The following CPVL variants were observed in gnomAD, a reference collection of about 807,000 sequenced individuals.
CPVL encodes carboxypeptidase vitellogenic like, also known as probable serine carboxypeptidase CPVL.
In CPVL, 51 loss-of-function variants were observed where a neutral mutation model predicts 63.7. The ratio of observed to expected loss-of-function variants is 0.80; its 90% CI spans 0.64 to 1.01. CPVL has a LOEUF of 1.01. CPVL is among the 50% of genes least tolerant of loss of function. The probability of loss-of-function intolerance (pLI) is 0.00; values close to 1 mark genes in which losing one functional copy is unlikely to be tolerated. For synonymous variants in CPVL, 195 were observed against 206.0 expected, an observed-to-expected ratio of 0.95 and a Z score of 0.46; for missense variants, 530 against 573.1, an observed-to-expected ratio of 0.92 and a Z score of 0.77.
chr7:29,006,360 C>T (rs949869945), intron 12 of CPVL, among the ~76,000 whole-genome samples: 2 of 152,184 alleles, frequency 1.3e-5, no homozygotes, highest in African/African-American at 4.8e-5. Flanking sequence ...ACCTAAGGAA[C>T]ATCCACCTAT....
chr7:29,054,271 C>T (rs1015742565), intron 11 of CPVL, among the ~76,000 whole-genome samples: 2 of 152,108 alleles, frequency 1.3e-5, no homozygotes, highest in African/African-American at 4.8e-5. Context: ...TGGAATAATT[C>T]TGGAGTAATT....
At chr7:29,049,726 A>G (rs946395669) in intron 11 of CPVL, among the ~76,000 whole-genome samples, 6 of 152,176 alleles carry the variant, frequency 3.9e-5, no homozygotes, top group African/African-American at 1.4e-4. Context: ...AGAAAACTAC[A>G]GACTGATATA....
intron 12 of CPVL, among the ~76,000 whole-genome samples, chr7:29,026,089 A>C (rs1183867496): frequency 6.6e-6 from 1 of 152,198 alleles, no homozygotes; most frequent in Non-Finnish European, 1.5e-5. Context: ...AATCTCAACA[A>C]ATGTAAAATA....
intron 5 of CPVL, among the ~76,000 whole-genome samples, chr7:29,155,685 C>A (rs370080146): frequency 6.6e-6 from 1 of 152,210 alleles, no homozygotes; most frequent in East Asian, 1.9e-4. Context: ...GTCCTGCTTC[C>A]GTGTTTTTAA....
At chr7:29,103,258 T>G (rs376513023) in intron 3 of CPVL, among the ~76,000 whole-genome samples, 15 of 150,390 alleles carry the variant, frequency 1.0e-4, no homozygotes, top group African/African-American at 3.2e-4. Flanking sequence ...GTTTTTTTTT[T>G]TTTTTGAGAT....
At chr7:29,001,647 G>T (rs1433873719) in intron 12 of CPVL, among the ~76,000 whole-genome samples, 1 of 152,154 alleles carries the variant, frequency 6.6e-6, no homozygotes, top group Non-Finnish European at 1.5e-5. Context: ...CAGCACTCAG[G>T]GAAACGATTC....
chr7:29,149,972 T>G (rs528458971), upstream of CPVL, among the ~76,000 whole-genome samples: 4 of 152,242 alleles, frequency 2.6e-5, no homozygotes, highest in Non-Finnish European at 5.9e-5. Flanking sequence ...ACTTCACTGC[T>G]GCAATAGATA....
chr7:29,035,064 G>A (rs891041994), intron 11 of CPVL, among the ~76,000 whole-genome samples: 17 of 149,074 alleles, frequency 1.1e-4, no homozygotes, highest in Admixed American at 4.0e-4. Context: ...TCCAAGAGAC[G>A]GCATTTGGTG....
intron 7 of CPVL, among the ~76,000 whole-genome samples, chr7:29,076,476 A>G (rs1039622106): frequency 6.6e-6 from 1 of 152,214 alleles, no homozygotes; most frequent in Non-Finnish European, 1.5e-5. Flanking sequence ...AACTGAACAC[A>G]TATTATTTTA....
intron 5 of CPVL, among the ~76,000 whole-genome samples, chr7:29,169,106 G>T (rs1233332863): frequency 1.3e-5 from 2 of 151,792 alleles, no homozygotes; most frequent in African/African-American, 2.4e-5. Context: ...ATAAAACATG[G>T]AATTTTCCCC....
chr7:29,103,267 A>G (rs1787388449), intron 3 of CPVL, among the ~76,000 whole-genome samples: 1 of 119,930 alleles, frequency 8.3e-6, no homozygotes, highest in Non-Finnish European at 1.6e-5. Flanking sequence ...TTTTTTTGAG[A>G]TGGAGGCTTG....
chr7:29,114,787 A>T (rs1376104033), intron 2 of CPVL, among the ~76,000 whole-genome samples: 1 of 152,178 alleles, frequency 6.6e-6, no homozygotes, highest in Non-Finnish European at 1.5e-5. Context: ...TCTATGGAAG[A>T]TGTACTGCCT....
chr7:29,044,309 TG>T (rs887930395), intron 11 of CPVL, among the ~76,000 whole-genome samples: 1 of 151,962 alleles, frequency 6.6e-6, no homozygotes, highest in African/African-American at 2.4e-5. Context: ...CCTAGGTACT[TG>T]GGAGGCTGAG....
intron 4 of CPVL, among the ~76,000 whole-genome samples, chr7:29,183,827 T>G (rs1487194536): frequency 6.6e-6 from 1 of 152,196 alleles, no homozygotes; most frequent in Non-Finnish European, 1.5e-5. Flanking sequence ...TCTCTATATT[T>G]GTAGATTCCA....
chr7:29,023,339 G>T (rs1317545260), intron 12 of CPVL, among the ~76,000 whole-genome samples: 1 of 152,214 alleles, frequency 6.6e-6, no homozygotes, highest in Non-Finnish European at 1.5e-5. Flanking sequence ...TTATAGGGCA[G>T]CAGGCAAGAG....
At chr7:29,059,388 A>G (rs1010607717) in intron 11 of CPVL, among the ~76,000 whole-genome samples, 1 of 152,188 alleles carries the variant, frequency 6.6e-6, no homozygotes, top group African/African-American at 2.4e-5. Context: ...CCAGGCAAAG[A>G]TATCATAAGA....
At chr7:29,162,197 T>C (rs1458796035) in intron 5 of CPVL, among the ~76,000 whole-genome samples, 1 of 152,204 alleles carries the variant, frequency 6.6e-6, no homozygotes, top group Non-Finnish European at 1.5e-5. Context: ...TAAAATCTTA[T>C]ATTCACACAA....
At chr7:29,018,627 C>A (rs910892469) in intron 12 of CPVL, among the ~76,000 whole-genome samples, 1 of 152,174 alleles carries the variant, frequency 6.6e-6, no homozygotes, top group South Asian at 2.1e-4. Context: ...GATCCACCCA[C>A]CTTAGCCTCC....
At chr7:29,103,253 T>TTG (rs1554339937) in intron 3 of CPVL, among the ~76,000 whole-genome samples, 5 of 110,382 alleles carry the variant, frequency 4.5e-5, no homozygotes, top group Non-Finnish European at 6.4e-5. Flanking sequence ...GTTTTGTTTT[T>TTG]TTTTTTTTTT....
Sources: gnomAD v4.1 joint callset for allele counts (sites outside exome capture counted in the v4.1 genomes callset) on GRCh38, gnomAD v4.1.1 for gene constraint, MANE v1.5 for transcripts, NCBI Gene and HGNC (gene_info 2026-07-23, HGNC 2026-07-21) for gene names.